CADM1: variants seen among roughly 807,000 people sequenced by gnomAD.
CADM1 encodes the protein TSLC-1.
A neutral mutation model predicts 53.1 loss-of-function variants in CADM1; 15 were observed. The ratio of observed to expected loss-of-function variants is 0.28; its 90% CI spans 0.19 to 0.44. The LOEUF (loss-of-function observed/expected upper bound fraction) is 0.44. CADM1 is among the 20% of genes least tolerant of loss of function. The pLI, the probability that CADM1 is intolerant of heterozygous loss-of-function variation, is 1.00. For synonymous variants in CADM1, 281 were observed against 243.0 expected (o/e 1.16, Z -1.45); for missense variants, 434 against 611.3 (o/e 0.71, Z 3.06).
chr11:115,473,148 T>C (rs1191295013), intron 1 of CADM1, among the ~76,000 whole-genome samples: 1 of 152,186 alleles, frequency 6.6e-6, no homozygotes, highest in East Asian at 1.9e-4. Flanking sequence ...CTTTTCCTCA[T>C]CAGTAATCTG....
At chr11:115,493,070 C>CCA (rs1296836451) in intron 1 of CADM1, among the ~76,000 whole-genome samples, 1 of 151,914 alleles carries the variant, frequency 6.6e-6, no homozygotes, top group Non-Finnish European at 1.5e-5. Context: ...TAAAAGGAAT[C>CCA]AGGATTCCTT....
chr11:115,211,872 T>C (rs1354240195), intron 7 of CADM1, among the ~76,000 whole-genome samples: 3 of 151,984 alleles, frequency 2.0e-5, no homozygotes, highest in Admixed American at 2.0e-4. Context: ...GATCTGAAGG[T>C]GATTTGAAAA....
intron 1 of CADM1, among the ~76,000 whole-genome samples, chr11:115,390,112 T>C (rs1474162213): frequency 6.6e-6 from 1 of 152,122 alleles, no homozygotes; most frequent in East Asian, 1.9e-4. Flanking sequence ...GGGATTACTG[T>C]GTACCCTCCC....
intron 1 of CADM1, among the ~76,000 whole-genome samples, chr11:115,329,529 AG>A: frequency 6.6e-6 from 1 of 152,236 alleles, no homozygotes; most frequent in East Asian, 1.9e-4. Flanking sequence ...AGCACACAGA[AG>A]GGCAGGTGCA....
In CADM1 at chr11:115,217,905, T is replaced by C. The variant is rs1591614240; in HGVS notation, c.808A>G (p.Ile270Val). The change falls in exon 6 of 12, where the codon ATC (isoleucine) becomes GTC (valine). Residue 270 changes from isoleucine to valine, a missense_variant. Ile to Val is a conservative substitution (Grantham distance 29, BLOSUM62 3). Coordinates refer to ENST00000331581, the MANE Select transcript of CADM1 (RefSeq NM_001301043.2). ...GDALELTCEA[I>V]GKPQPVMVTW... is the part of the protein sequence containing the mutation. The stretch of plus-strand genomic sequence containing the variant: ...TTCAGAACTTACTGGGGCTTCCCGA[T>C]GGCTTCACATGTTAACTCAAGCGCG... 2 of 1,613,368 alleles carry C rather than the reference T, an allele frequency of 1.2e-6. No homozygotes were observed. The highest frequency in any genetic ancestry group is 1.7e-6 in the Non-Finnish European group (2 of 1,179,346).
intron 1 of CADM1, among the ~76,000 whole-genome samples, chr11:115,326,274 A>C (rs2135200486): frequency 6.6e-6 from 1 of 152,322 alleles, no homozygotes; most frequent in Middle Eastern, 3.4e-3. Flanking sequence ...AATTAACTTA[A>C]AATTAACACA....
intron 1 of CADM1, among the ~76,000 whole-genome samples, chr11:115,450,579 C>G (rs1948549674): frequency 6.6e-6 from 1 of 152,220 alleles, no homozygotes; most frequent in South Asian, 2.1e-4. Flanking sequence ...AGCTCCATAA[C>G]TATACACTTT....
intron 5 of CADM1, among the ~76,000 whole-genome samples, chr11:115,224,108 C>T (rs569332487): frequency 6.6e-6 from 1 of 152,096 alleles, no homozygotes; most frequent in South Asian, 2.1e-4. Context: ...AGAAGCTGCT[C>T]TTGGGAACTA....
intron 1 of CADM1, among the ~76,000 whole-genome samples, chr11:115,498,042 A>G (rs1266707331): frequency 1.3e-5 from 2 of 152,114 alleles, no homozygotes; most frequent in Non-Finnish European, 2.9e-5. Flanking sequence ...CAGAAAAACC[A>G]AAGACTTTTT....
chr11:115,267,934 ATAGGGTTCG>A (rs1943191257), intron 1 of CADM1, among the ~76,000 whole-genome samples: 1 of 152,134 alleles, frequency 6.6e-6, no homozygotes, highest in Admixed American at 6.6e-5. Context: ...AAGTGAGTAA[ATAGGGTTCG>A]TCTTGTTAGC....
chr11:115,191,350 C>T (rs1939853559), intron 9 of CADM1, among the ~76,000 whole-genome samples: 1 of 152,216 alleles, frequency 6.6e-6, no homozygotes, highest in South Asian at 2.1e-4. Context: ...TTGAAATCCG[C>T]TGCCAATACT....
At chr11:115,496,240 C>CAAA (rs1949608649) in intron 1 of CADM1, among the ~76,000 whole-genome samples, 1 of 152,038 alleles carries the variant, frequency 6.6e-6, no homozygotes. Flanking sequence ...GTTGAGGTAC[C>CAAA]TTTTAGGTAA....
At position 115,173,694 on chromosome 11, in the gene CADM1, T is replaced by TC. The variant is rs1938883383; in HGVS notation, c.*2779_*2780insG. On this transcript the variant is annotated 3_prime_UTR_variant, in exon 12 of 12. Transcript: ENST00000331581. ...TTATAGTACTTCTTTTTTTTCTTTT[T>TC]TTTTTTGTAAAAATGGTATACATGA... 3 of 631,134 alleles carry TC rather than the reference T, an allele frequency of 4.8e-6. No homozygotes were observed. Among genetic ancestry groups the TC allele is most frequent in the Non-Finnish European group, 4.0e-6 (2 of 506,128 alleles). 39.1% of individuals were successfully genotyped at this position (631,134 alleles called of 1,614,324 possible). A position where few individuals can be genotyped will look rare whatever the true frequency, so the allele number is the denominator to read the frequency against.
intron 1 of CADM1, among the ~76,000 whole-genome samples, chr11:115,270,359 T>G (rs1258297846): frequency 6.6e-6 from 1 of 152,214 alleles, no homozygotes; most frequent in East Asian, 1.9e-4. Flanking sequence ...GGGAAAAATG[T>G]TGATTCAGCC....
At chr11:115,497,858 C>T (rs1949654076) in intron 1 of CADM1, among the ~76,000 whole-genome samples, 1 of 151,842 alleles carries the variant, frequency 6.6e-6, no homozygotes, top group African/African-American at 2.4e-5. Flanking sequence ...CAGGGCCATT[C>T]GGACCCCTCA....
intron 1 of CADM1, among the ~76,000 whole-genome samples, chr11:115,359,010 AG>A (rs1221064724): frequency 2.0e-5 from 3 of 152,210 alleles, no homozygotes; most frequent in Non-Finnish European, 2.9e-5. Flanking sequence ...ATGAGGAGTG[AG>A]TTTTCAATCA....
At chr11:115,494,182 T>A (rs1949560624) in intron 1 of CADM1, among the ~76,000 whole-genome samples, 1 of 152,114 alleles carries the variant, frequency 6.6e-6, no homozygotes, top group South Asian at 2.1e-4. Flanking sequence ...AGTTGATGGA[T>A]CTAGGTAAAG....
Position 115,170,065 on chromosome 11 carries a change from T to C in CADM1, c.*6409A>G, listed in dbSNP as rs1565273785. 1 of 159,730 alleles carries C rather than the reference T, an allele frequency of 6.3e-6. No individual in the cohort carries two copies. The highest frequency in any genetic ancestry group is 1.4e-5 in the Non-Finnish European group (1 of 72,344). 9.9% of individuals were successfully genotyped at this position (159,730 alleles called of 1,614,324 possible). On this transcript the variant is annotated 3_prime_UTR_variant, in exon 12 of 12. Coordinates refer to ENST00000331581, the MANE Select transcript of CADM1 (RefSeq NM_001301043.2). ...AACATTGCTGACTTCAGGATGGACT[T>C]CCTGCTGGTAACAGCAAGTTTAAGC... is the stretch of plus-strand genomic sequence containing the variant.
At chr11:115,358,268 AGTATT>A (rs1365372719) in intron 1 of CADM1, among the ~76,000 whole-genome samples, 1 of 152,190 alleles carries the variant, frequency 6.6e-6, no homozygotes, top group Non-Finnish European at 1.5e-5. Flanking sequence ...AGATTCATAA[AGTATT>A]GTATTAGCCC....
Sources: allele counts gnomAD v4.1 joint callset (sites outside exome capture counted in the v4.1 genomes callset), GRCh38; gene constraint gnomAD v4.1.1; transcripts MANE v1.5; gene names NCBI Gene and HGNC (gene_info 2026-07-23, HGNC 2026-07-21).